The following UACA variants were observed in gnomAD, a reference collection of about 807,000 sequenced individuals.
UACA encodes nuclear membrane binding protein.
In UACA, 112 loss-of-function variants were observed where a neutral mutation model predicts 160.5. The observed-to-expected ratio is 0.70, with a 90% CI of 0.60 to 0.82. UACA has a LOEUF of 0.82. UACA is among the 40% of genes least tolerant of loss of function. UACA has a pLI of 0.00. For missense variants in UACA, 1,574 were observed against 1,614.6 expected, an observed-to-expected ratio of 0.97 and a Z score of 0.43; for synonymous variants, 557 against 568.4, an observed-to-expected ratio of 0.98 and a Z score of 0.29.
chr15:70,659,788 T>G (rs1211895709), intron 18 of UACA, among the ~76,000 whole-genome samples: 4 of 152,168 alleles, frequency 2.6e-5, no homozygotes, highest in Admixed American at 2.6e-4. Flanking sequence ...TTTGTACTTT[T>G]CTAGTATTCA....
Position 70,691,629 on chromosome 15 carries a change from C to A in UACA, c.302-266G>T, listed in dbSNP as rs528790861. 2.6e-5 allele frequency among the ~76,000 whole-genome samples: 4 copies of A among 152,204 alleles called. No homozygotes were observed. In the South Asian group the frequency reaches 8.3e-4, roughly 32 times the overall value. On this transcript the variant is annotated intron_variant, in intron 3 of 18. Coordinates refer to ENST00000322954, the MANE Select transcript of UACA (RefSeq NM_018003.4). ...TTTGTTGTATTCACTACTATATCCC[C>A]AGCATGTAGAACAGTACCTAAAACA...
At chr15:70,751,889 T>A (rs2030084114) in intron 1 of UACA, among the ~76,000 whole-genome samples, 1 of 152,096 alleles carries the variant, frequency 6.6e-6, no homozygotes, top group Admixed American at 6.5e-5. Context: ...AAAATGTTAA[T>A]TTTTAAAAAA....
Position 70,668,730 on chromosome 15 carries a change from C to CT in UACA, c.1953dup (p.Glu652ArgfsTer7). On this transcript the variant is annotated frameshift_variant, in exon 16 of 19. Coordinates refer to ENST00000322954, the MANE Select transcript of UACA (RefSeq NM_018003.4). LOFTEE classifies it high-confidence loss of function. ...GATTTTTCATGTTCTCTTTCCATTT[C>CT]TACTAATTTTTTTGCTTTCTCATTC... The CT allele has an allele frequency of 6.2e-7, 1 of 1,613,686 alleles. No homozygotes were observed. Among genetic ancestry groups the CT allele is most frequent in the Non-Finnish European group, 8.5e-7 (1 of 1,179,956 alleles).
At chr15:70,722,634 C>A (rs1031012219) in intron 1 of UACA, among the ~76,000 whole-genome samples, 3 of 152,084 alleles carry the variant, frequency 2.0e-5, no homozygotes, top group Non-Finnish European at 4.4e-5. Flanking sequence ...TTTTGTTATA[C>A]GTCTTTTCAA....
At chr15:70,677,927 G>T (rs745777592) in intron 11 of UACA, among the ~76,000 whole-genome samples, 172 bp downstream of exon 11, 2 of 152,054 alleles carry the variant, frequency 1.3e-5, no homozygotes, top group Non-Finnish European at 2.9e-5. Flanking sequence ...GTCCTTACTT[G>T]TTAGCTTATG....
In UACA at chr15:70,667,148, T is replaced by G. The variant is rs769966701; in HGVS notation, c.3536A>C (p.Glu1179Ala). The G allele has an allele frequency of 6.2e-7, 1 of 1,613,712 alleles. No homozygotes were observed. Among genetic ancestry groups the G allele is most frequent in the Non-Finnish European group, 8.5e-7 (1 of 1,179,950 alleles). ...CAAGCTGGCTTTTATGATTCCAACT[T>G]CTTTCTCAAATGCTTCTTTAATCTG... ...HLQIKEAFEKEVGIIKASLRE... is the reference protein window; with the variant it reads ...HLQIKEAFEKAVGIIKASLRE... Residue 1179 changes from glutamate to alanine, a missense_variant, in exon 16 of 19, where the codon GAA becomes GCA. Glu to Ala is a moderately radical substitution (Grantham distance 107). Coordinates refer to ENST00000322954, the MANE Select transcript of UACA (RefSeq NM_018003.4).
At chr15:70,663,105 TC>T (rs1896775617) in intron 17 of UACA, among the ~76,000 whole-genome samples, 1 of 152,140 alleles carries the variant, frequency 6.6e-6, no homozygotes, top group Non-Finnish European at 1.5e-5. Flanking sequence ...ATTTTTGCAA[TC>T]CACTCATCTG....
At chr15:70,662,827 G>T (rs900170005) in intron 17 of UACA, among the ~76,000 whole-genome samples, 1 of 152,070 alleles carries the variant, frequency 6.6e-6, no homozygotes, top group African/African-American at 2.4e-5. Flanking sequence ...AGCTGAAACT[G>T]GATCCCTTCC....
intron 7 of UACA, among the ~76,000 whole-genome samples, chr15:70,686,231 C>T (rs922086394): frequency 9.3e-5 from 14 of 150,860 alleles, no homozygotes; most frequent in Admixed American, 2.6e-4. Context: ...GAATGGGTGC[C>T]GGAGGTGGTT....
intron 1 of UACA, among the ~76,000 whole-genome samples, chr15:70,762,804 A>C (rs1433718930): frequency 1.3e-5 from 2 of 152,244 alleles, no homozygotes; most frequent in Non-Finnish European, 2.9e-5. Flanking sequence ...GACGTCCACC[A>C]GCCCGGCAGG....
At position 70,668,206 on chromosome 15, in the gene UACA, C is replaced by T. The variant is rs139052072; in HGVS notation, c.2478G>A (p.Gln826=). ...LKSNIVELKK[Q]LSELKKKCGE... ...CACATTTTTTCTTAAGTTCAGACAG[C>T]TGTTTCTTAAGTTCAACAATATTGG... The change falls in exon 16 of 19, where the codon CAG becomes CAA. Residue 826 remains glutamine (Q), a synonymous_variant. Coordinates refer to ENST00000322954, the MANE Select transcript of UACA (RefSeq NM_018003.4). The T allele has an allele frequency of 1.3e-4, 208 of 1,611,978 alleles. 2 individuals carry two copies. The highest frequency in any genetic ancestry group is 6.6e-4 in the Middle Eastern group (4 of 6,070).
chr15:70,735,657 C>T (rs1425135882), intron 1 of UACA, among the ~76,000 whole-genome samples: 1 of 150,534 alleles, frequency 6.6e-6, no homozygotes, highest in Non-Finnish European at 1.5e-5. Flanking sequence ...CAATTTCCTA[C>T]AACTAGAGAA....
intron 9 of UACA, 41 bp from the exon 10 acceptor site, chr15:70,679,717 GA>G (rs1303727990): frequency 9.6e-6 from 13 of 1,351,202 alleles, no homozygotes; most frequent in Admixed American, 5.7e-5. Flanking sequence ...GCAAGTGTAA[GA>G]ATACAGAAAA....
chr15:70,756,863 A>G (rs188057227), intron 1 of UACA, among the ~76,000 whole-genome samples: 159 of 152,320 alleles, frequency 1.0e-3, no homozygotes, highest in African/African-American at 3.7e-3. Context: ...ACAGAGTGAG[A>G]CTTCATCTCC....
Position 70,687,806 on chromosome 15 carries a change from G to A in UACA, c.439C>T (p.Pro147Ser). ...TCACAAAGCAGCTGTATGCTAGAAGGACAATCTGCCATTGCTTTAAGGAAC... is the reference window on the plus strand; with the variant it reads ...TCACAAAGCAGCTGTATGCTAGAAGAACAATCTGCCATTGCTTTAAGGAAC... ...ALHDAAMADC[P>S]SSIQLLCDHG... Residue 147 changes from proline (P) to serine (S), a missense_variant, in exon 6 of 19, where the codon CCT becomes TCT. Pro to Ser is a moderately conservative substitution (Grantham distance 74, BLOSUM62 -1). Transcript: ENST00000322954. 1 of 1,613,668 alleles carries A rather than the reference G, an allele frequency of 6.2e-7. No homozygotes were observed. Among genetic ancestry groups the A allele is most frequent in the Non-Finnish European group, 8.5e-7 (1 of 1,179,716 alleles).
chr15:70,744,293 A>G (rs1899633442), intron 1 of UACA, among the ~76,000 whole-genome samples: 1 of 151,560 alleles, frequency 6.6e-6, no homozygotes, highest in African/African-American at 2.4e-5. Context: ...GATGAAGGAT[A>G]CAAACCTTAG....
chr15:70,664,584 T>C (rs1896835674), intron 17 of UACA, 78 bp downstream of exon 17: 1 of 1,495,702 alleles, frequency 6.7e-7, no homozygotes, highest in East Asian at 2.3e-5. Flanking sequence ...AGCACTTTAA[T>C]TTCTAAATGA....
intron 1 of UACA, among the ~76,000 whole-genome samples, chr15:70,738,052 A>T (rs1007957527): frequency 6.6e-6 from 1 of 152,258 alleles, no homozygotes; most frequent in African/African-American, 2.4e-5. Context: ...GAATTTTTAA[A>T]TAGACCCATA....
rs1012784561 is a variant in UACA at position 70,655,574 on chromosome 15, A to C, written c.*1482T>G. Reference sequence around the variant, plus strand: ...TTTTTTATTGAAATAGGTGGCCCAAAACTTGTGAAACAGAACTCATGCTGA... The same window carrying C: ...TTTTTTATTGAAATAGGTGGCCCAACACTTGTGAAACAGAACTCATGCTGA... On this transcript the variant is annotated 3_prime_UTR_variant, in exon 19 of 19. Coordinates refer to ENST00000322954, the MANE Select transcript of UACA (RefSeq NM_018003.4). 5 of 152,148 alleles carry C rather than the reference A, an allele frequency of 3.3e-5. No homozygotes were observed. The highest frequency in any genetic ancestry group is 7.3e-5 in the Non-Finnish European group (5 of 68,032). The allele number at this position is 152,148 out of a possible 1,614,324, so 9.4% of individuals were successfully genotyped here.
Sources: gnomAD v4.1 joint callset for allele counts (sites outside exome capture counted in the v4.1 genomes callset) on GRCh38, gnomAD v4.1.1 for gene constraint, MANE v1.5 for transcripts, NCBI Gene and HGNC (gene_info 2026-07-23, HGNC 2026-07-21) for gene names.